The following IGSF21 variants were observed in gnomAD, a reference collection of about 807,000 sequenced individuals.
IGSF21 encodes immunoglobulin superfamily member 21.
Under a neutral mutation model 46.8 loss-of-function variants are expected in IGSF21, and 28 were observed. The observed-to-expected ratio is 0.60, with a 90% CI of 0.44 to 0.82. The LOEUF (loss-of-function observed/expected upper bound fraction) is 0.82. IGSF21 is among the 40% of genes least tolerant of loss of function. The pLI is 0.00. For missense variants in IGSF21, 624 were observed against 665.5 expected, an observed-to-expected ratio of 0.94 and a Z score of 0.69; for synonymous variants, 284 against 273.6, an observed-to-expected ratio of 1.04 and a Z score of -0.38.
chr1:18,297,185 AC>A lies in IGSF21; in HGVS notation c.305+5203del, dbSNP rs150912279. On this transcript the variant is annotated intron_variant, in intron 3 of 9. Transcript: ENST00000251296. Reference sequence around the variant, plus strand: ...TGTTTTCACCACCATCCTCTCCCCAACCCCCAGGACAGCACCCAACCCTGGG... The same window carrying A: ...TGTTTTCACCACCATCCTCTCCCCAACCCCAGGACAGCACCCAACCCTGGG... Among the ~76,000 whole-genome samples the A allele has an allele frequency of 4.5e-3, 682 of 151,946 alleles. 8 individuals are homozygous for A. Among genetic ancestry groups the A allele is most frequent in the African/African-American group, 0.015 (640 of 41,406 alleles).
At chr1:18,232,831 GCC>G (rs200429786) in intron 2 of IGSF21, among the ~76,000 whole-genome samples, 1 of 152,184 alleles carries the variant, frequency 6.6e-6, no homozygotes, top group East Asian at 1.9e-4. Context: ...ATGCTATGTA[GCC>G]CACTTCTGTC....
At chr1:18,313,889 T>C (rs950214328) in intron 3 of IGSF21, among the ~76,000 whole-genome samples, 26 of 152,316 alleles carry the variant, frequency 1.7e-4, no homozygotes, top group African/African-American at 6.0e-4. Flanking sequence ...TGAATCTTTC[T>C]GGAAAACTTG....
intron 1 of IGSF21, among the ~76,000 whole-genome samples, chr1:18,216,504 T>C (rs754305816): frequency 5.6e-4 from 85 of 152,100 alleles, no homozygotes; most frequent in Non-Finnish European, 1.1e-3. Context: ...AGGGACAAGT[T>C]TGGGGGCCAG....
intron 1 of IGSF21, among the ~76,000 whole-genome samples, chr1:18,124,956 G>A (rs2086263615): frequency 6.6e-6 from 1 of 152,158 alleles, no homozygotes; most frequent in Non-Finnish European, 1.5e-5. Context: ...GATGGGGCCA[G>A]GGCAAAGGCA....
chr1:18,281,479 T>C (rs2085160497), intron 2 of IGSF21, among the ~76,000 whole-genome samples: 1 of 151,528 alleles, frequency 6.6e-6, no homozygotes, highest in African/African-American at 2.4e-5. Flanking sequence ...GGCAGGAGAA[T>C]TGCTTGAACT....
At position 18,227,937 on chromosome 1, in the gene IGSF21, T is replaced by C. The variant is rs372036095; in HGVS notation, c.110T>C (p.Val37Ala). The change falls in exon 2 of 10, where the codon GTG becomes GCG. Residue 37 changes from valine to alanine, a missense_variant. Transcript: ENST00000251296. ...AACATTGAGCCTCTCCCCCCTGTGG[T>C]GGCTGGAGACGCCGTGACTTTGAAG... ...TVNIEPLPPV[V>A]AGDAVTLKCN... 4 of 1,613,950 alleles carry C rather than the reference T, an allele frequency of 2.5e-6. No homozygotes were observed. The African/African-American group carries it at 5.3e-5, about 22-fold the overall frequency.
intron 1 of IGSF21, among the ~76,000 whole-genome samples, chr1:18,138,609 G>A (rs2086387694): frequency 1.3e-5 from 2 of 152,292 alleles, no homozygotes; most frequent in Middle Eastern, 3.4e-3. Context: ...CAGGCAGTGT[G>A]GGACATACTC....
intron 1 of IGSF21, among the ~76,000 whole-genome samples, chr1:18,118,857 A>C (rs1195906200): frequency 6.6e-6 from 1 of 151,906 alleles, no homozygotes; most frequent in African/African-American, 2.4e-5. Context: ...TTGTTTCAGG[A>C]AGCAATATAG....
intron 1 of IGSF21, among the ~76,000 whole-genome samples, chr1:18,225,297 G>T (rs1327763421): frequency 6.6e-6 from 1 of 151,772 alleles, no homozygotes. Flanking sequence ...TCTCACCCTG[G>T]CATGCCTCTG....
At chr1:18,180,564 G>A (rs2086847736) in intron 1 of IGSF21, among the ~76,000 whole-genome samples, 1 of 152,208 alleles carries the variant, frequency 6.6e-6, no homozygotes, top group Non-Finnish European at 1.5e-5. Flanking sequence ...GGTTTGGAAG[G>A]CGCAGTTATG....
At chr1:18,228,554 G>A (rs1218659942) in intron 2 of IGSF21, among the ~76,000 whole-genome samples, 1 of 152,206 alleles carries the variant, frequency 6.6e-6, no homozygotes. Flanking sequence ...TTGGCACCAG[G>A]AAGAACAGCT....
intron 1 of IGSF21, among the ~76,000 whole-genome samples, chr1:18,134,310 G>A (rs994041834): frequency 6.6e-6 from 1 of 152,194 alleles, no homozygotes; most frequent in African/African-American, 2.4e-5. Context: ...CTGTAAGGGG[G>A]GCAGAGAGGC....
At chr1:18,212,931 G>A (rs554921453) in intron 1 of IGSF21, among the ~76,000 whole-genome samples, 4 of 152,320 alleles carry the variant, frequency 2.6e-5, no homozygotes, top group African/African-American at 4.8e-5. Context: ...GATGAAAGAC[G>A]GTCAGGGAAA....
chr1:18,273,796 C>T (rs1050503201), intron 2 of IGSF21, among the ~76,000 whole-genome samples: 13 of 151,864 alleles, frequency 8.6e-5, no homozygotes, highest in East Asian at 1.9e-4. Flanking sequence ...CTCCTGCAGA[C>T]GAGGTGGGAG....
intron 1 of IGSF21, among the ~76,000 whole-genome samples, chr1:18,119,966 A>G (rs973003252): frequency 2.0e-5 from 3 of 152,226 alleles, no homozygotes; most frequent in Admixed American, 6.5e-5. Context: ...AAGGTGGTGG[A>G]TGTGAATGTC....
At chr1:18,123,149 G>A (rs1056244581) in intron 1 of IGSF21, among the ~76,000 whole-genome samples, 1 of 152,114 alleles carries the variant, frequency 6.6e-6, no homozygotes, top group Non-Finnish European at 1.5e-5. Flanking sequence ...AAAATGAAAG[G>A]GTGAGTCCGG....
chr1:18,361,418 C>T (rs1763903), intron 4 of IGSF21: 131,964 of 152,294 alleles, frequency 0.87, 57,264 homozygotes, highest in Non-Finnish European at 0.9. Flanking sequence ...AGTTAACCGC[C>T]GGTTCATAAA....
chr1:18,278,382 G>T (rs2085124470), intron 2 of IGSF21, among the ~76,000 whole-genome samples: 1 of 151,914 alleles, frequency 6.6e-6, no homozygotes, highest in South Asian at 2.1e-4. Context: ...TGGGATTACA[G>T]GCGCCCCCCC....
intron 4 of IGSF21, among the ~76,000 whole-genome samples, chr1:18,358,385 T>C (rs1056226058): frequency 6.6e-6 from 1 of 152,236 alleles, no homozygotes; most frequent in Non-Finnish European, 1.5e-5. Context: ...AATATTATCA[T>C]GTCAATATGT....
Sources: allele counts gnomAD v4.1 joint callset (sites outside exome capture counted in the v4.1 genomes callset), GRCh38; gene constraint gnomAD v4.1.1; transcripts MANE v1.5; gene names NCBI Gene and HGNC (gene_info 2026-07-23, HGNC 2026-07-21).